The following TMEM17 variants were observed in gnomAD, a reference collection of about 807,000 sequenced individuals.
TMEM17 encodes transmembrane protein 17.
A neutral mutation model predicts 19.1 loss-of-function variants in TMEM17; 15 were observed. The ratio of observed to expected loss-of-function variants is 0.78; its 90% CI spans 0.52 to 1.21. TMEM17 has a LOEUF of 1.21. TMEM17 is among the 50% of genes most tolerant of loss of function. The probability of loss-of-function intolerance (pLI) is 0.00; values close to 1 mark genes in which losing one functional copy is unlikely to be tolerated. For synonymous variants in TMEM17, 103 were observed against 86.9 expected, an observed-to-expected ratio of 1.19 and a Z score of -1.03; for missense variants, 245 against 242.3, an observed-to-expected ratio of 1.01 and a Z score of -0.07.
chr2:62,481,698 G>GGTGTGTGTGT, the TMEM17 span, among the ~76,000 whole-genome samples: 10,994 of 144,002 alleles, frequency 0.076, 445 homozygotes, highest in Middle Eastern at 0.11. Context: ...ACCCCTTAAA[G>GGTGTGTGTGT]GTGTGTGTGT....
chr2:62,496,115 C>T (rs759548904), downstream of TMEM17, among the ~76,000 whole-genome samples: 1 of 151,778 alleles, frequency 6.6e-6, no homozygotes, highest in Non-Finnish European at 1.5e-5. Context: ...CTCAGTATTC[C>T]TGTGGTAACT....
At chr2:62,478,871 GTCT>G in the TMEM17 span, among the ~76,000 whole-genome samples, 2 of 152,034 alleles carry the variant, frequency 1.3e-5, no homozygotes, top group African/African-American at 2.4e-5. Context: ...TTCCCAAAGG[GTCT>G]TCTTTCCCAA....
chr2:62,463,161 C>T, the TMEM17 span: 2 of 152,246 alleles, frequency 1.3e-5, no homozygotes, highest in African/African-American at 4.8e-5. Flanking sequence ...AACTGTGTGT[C>T]TGGGGGAGAA....
At chr2:62,491,100 A>AAAAC in the TMEM17 span, 3 of 152,054 alleles carry the variant, frequency 2.0e-5, no homozygotes, top group Non-Finnish European at 4.4e-5. Context: ...AAAAAAAAAA[A>AAAAC]AAAAACCTCT....
chr2:62,498,013 T>C (rs114636794), downstream of TMEM17, among the ~76,000 whole-genome samples: 102 of 152,384 alleles, frequency 6.7e-4, no homozygotes, highest in African/African-American at 2.4e-3. Context: ...ATGTCTTGTC[T>C]ATGAACCTTT....
the TMEM17 span, among the ~76,000 whole-genome samples, chr2:62,464,690 T>TTTA: frequency 6.6e-6 from 1 of 152,194 alleles, no homozygotes; most frequent in Admixed American, 6.5e-5. Flanking sequence ...AGACTGGAGT[T>TTTA]TTATTATTAT....
chr2:62,473,538 C>T, the TMEM17 span, among the ~76,000 whole-genome samples: 2 of 152,210 alleles, frequency 1.3e-5, no homozygotes, highest in African/African-American at 4.8e-5. Context: ...AGCTTTACCC[C>T]TCTCCTCCCC....
chr2:62,486,933 G>A, the TMEM17 span, among the ~76,000 whole-genome samples: 1 of 152,096 alleles, frequency 6.6e-6, no homozygotes, highest in African/African-American at 2.4e-5. Context: ...GCAGACACTG[G>A]GGGGTAAAGG....
chr2:62,474,213 T>C, the TMEM17 span, among the ~76,000 whole-genome samples: 20 of 152,326 alleles, frequency 1.3e-4, no homozygotes, highest in Non-Finnish European at 2.8e-4. Context: ...ATTTTCCTTT[T>C]ATAAGAGACA....
chr2:62,484,011 C>T, the TMEM17 span, among the ~76,000 whole-genome samples: 1 of 152,198 alleles, frequency 6.6e-6, no homozygotes, highest in African/African-American at 2.4e-5. Flanking sequence ...GCTCTTCAAA[C>T]AAGTGGAAAA....
At chr2:62,465,788 C>T in the TMEM17 span, among the ~76,000 whole-genome samples, 1 of 152,090 alleles carries the variant, frequency 6.6e-6, no homozygotes, top group African/African-American at 2.4e-5. Context: ...AAGTAAAGGG[C>T]AATCCATTCA....
At chr2:62,467,617 A>G in the TMEM17 span, among the ~76,000 whole-genome samples, 3 of 152,212 alleles carry the variant, frequency 2.0e-5, no homozygotes, top group African/African-American at 7.2e-5. Context: ...AAGACTGAGC[A>G]GTAATGACCC....
the TMEM17 span, among the ~76,000 whole-genome samples, chr2:62,482,536 G>A: frequency 6.6e-6 from 1 of 152,280 alleles, no homozygotes; most frequent in South Asian, 2.1e-4. Flanking sequence ...TAGTCAGAGG[G>A]ATGAACATGT....
intron 1 of TMEM17, among the ~76,000 whole-genome samples, chr2:62,503,077 A>G (rs1401372891): frequency 1.3e-5 from 2 of 152,224 alleles, no homozygotes; most frequent in African/African-American, 4.8e-5. Context: ...GATTTAATGT[A>G]GAATATCAAC....
chr2:62,466,312 C>T, the TMEM17 span, among the ~76,000 whole-genome samples: 1 of 152,084 alleles, frequency 6.6e-6, no homozygotes, highest in African/African-American at 2.4e-5. Flanking sequence ...CTGCAGGGGC[C>T]CCTGGAAGCT....
chr2:62,498,620 G>A (rs1411630334), downstream of TMEM17, among the ~76,000 whole-genome samples: 1 of 146,756 alleles, frequency 6.8e-6, no homozygotes, highest in Non-Finnish European at 1.5e-5. Flanking sequence ...GGAGGCTGAG[G>A]CAGGAGAATG....
chr2:62,499,665 G>A (rs1479610033), downstream of TMEM17, among the ~76,000 whole-genome samples: 2 of 152,090 alleles, frequency 1.3e-5, no homozygotes, highest in African/African-American at 4.8e-5. Flanking sequence ...AATGAATAAG[G>A]CAAAACCTGG....
the TMEM17 span, among the ~76,000 whole-genome samples, chr2:62,457,157 C>A: frequency 6.6e-6 from 1 of 152,372 alleles, no homozygotes; most frequent in African/African-American, 2.4e-5. This position sits in a 1 kb window ranked among gnomAD's most constrained non-coding sequence, Gnocchi z 4.2. Flanking sequence ...CTGGGCTGGG[C>A]TGGCCGAGAG....
At chr2:62,502,974 A>G (rs1280406413) in intron 1 of TMEM17, among the ~76,000 whole-genome samples, 180 bp from the exon 2 acceptor site, 1 of 152,282 alleles carries the variant, frequency 6.6e-6, no homozygotes, top group East Asian at 1.9e-4. Context: ...TAGGTCAAAT[A>G]TTGGCTATTT....
Sources: allele counts gnomAD v4.1 joint callset (sites outside exome capture counted in the v4.1 genomes callset), GRCh38; gene constraint gnomAD v4.1.1; non-coding constraint Gnocchi (gnomAD v3.1); transcripts MANE v1.5; gene names NCBI Gene and HGNC (gene_info 2026-07-23, HGNC 2026-07-21).